CNTN3: variants seen among roughly 807,000 people sequenced by gnomAD.
CNTN3 encodes the protein contactin 3.
CNTN3 carries 60 observed loss-of-function variants against 119.1 expected under a neutral mutation model. The ratio of observed to expected loss-of-function variants is 0.50; its 90% CI spans 0.41 to 0.62. CNTN3 has a LOEUF of 0.62. Among genes scored for constraint, CNTN3 ranks in the 20% least tolerant of loss-of-function variants. The pLI, the probability that CNTN3 is intolerant of heterozygous loss-of-function variation, is 0.00. For missense variants in CNTN3, 1,101 were observed against 1,242.4 expected (o/e 0.89, Z 1.71); for synonymous variants, 450 against 438.7 (o/e 1.03, Z -0.32).
At chr3:74,328,734 T>C (rs1479327047) in intron 13 of CNTN3, among the ~76,000 whole-genome samples, 1 of 152,144 alleles carries the variant, frequency 6.6e-6, no homozygotes, top group Non-Finnish European at 1.5e-5. Flanking sequence ...ATCAACAGTT[T>C]TGTGTATTAC....
intron 1 of CNTN3, among the ~76,000 whole-genome samples, chr3:74,599,709 C>A (rs183604787): frequency 1.3e-5 from 2 of 152,188 alleles, no homozygotes; most frequent in Admixed American, 1.3e-4. Flanking sequence ...TGGGAAATGA[C>A]TAACTGAATG....
At chr3:74,368,735 G>T (rs1704261341) in intron 8 of CNTN3, among the ~76,000 whole-genome samples, 1 of 150,806 alleles carries the variant, frequency 6.6e-6, no homozygotes, top group African/African-American at 2.4e-5. Flanking sequence ...TAACACTGAA[G>T]AACTCAACAA....
At chr3:74,418,522 A>T (rs560362289) in intron 5 of CNTN3, among the ~76,000 whole-genome samples, 1 of 151,016 alleles carries the variant, frequency 6.6e-6, no homozygotes, top group African/African-American at 2.4e-5. Flanking sequence ...TTGTATTTTT[A>T]GTGAGACGGG....
chr3:74,491,554 G>A (rs1702964810), intron 3 of CNTN3, among the ~76,000 whole-genome samples: 1 of 151,970 alleles, frequency 6.6e-6, no homozygotes, highest in Admixed American at 6.6e-5. Context: ...GGATACGCAG[G>A]TTCAGCTCCT....
Position 74,614,543 on chromosome 3 carries a change from C to G in CNTN3, c.-233G>C, listed in dbSNP as rs1705141569. 6.8e-6 allele frequency among the ~76,000 whole-genome samples: 1 copy of G among 147,874 alleles called. No individual in the cohort carries two copies. The highest frequency in any genetic ancestry group is 1.5e-5 in the Non-Finnish European group (1 of 66,524). On this transcript the variant is annotated 5_prime_UTR_variant, in exon 1 of 23. Coordinates refer to ENST00000263665, the MANE Select transcript of CNTN3 (RefSeq NM_020872.3). ...TAAGCCGCCGCCGCCGCAGGCGCAG[C>G]ACCCTCGTCCGCACGGTTCCCGGCC... is the stretch of plus-strand genomic sequence containing the variant.
At chr3:74,394,127 T>A (rs553991208) in intron 5 of CNTN3, among the ~76,000 whole-genome samples, 4 of 152,288 alleles carry the variant, frequency 2.6e-5, no homozygotes, top group Non-Finnish European at 5.9e-5. Flanking sequence ...CTCAAATTAA[T>A]CTAGAAATGA....
chr3:74,398,640 A>T (rs563720510), intron 5 of CNTN3, among the ~76,000 whole-genome samples: 1 of 152,300 alleles, frequency 6.6e-6, no homozygotes, highest in Admixed American at 6.5e-5. Flanking sequence ...TCTAAATTTT[A>T]AAAATTCATT....
chr3:74,440,455 G>A (rs145760707), intron 4 of CNTN3, among the ~76,000 whole-genome samples: 49 of 146,936 alleles, frequency 3.3e-4, no homozygotes, highest in Middle Eastern at 3.5e-3. Context: ...CTCTTGAATC[G>A]CCAACTTAAA....
At chr3:74,401,989 T>G (rs543492822) in intron 5 of CNTN3, among the ~76,000 whole-genome samples, 2 of 152,316 alleles carry the variant, frequency 1.3e-5, no homozygotes, top group Admixed American at 1.3e-4. Context: ...CAAGGTCTTC[T>G]TTGTTTCTTA....
At chr3:74,507,144 T>C (rs1703276110) in intron 2 of CNTN3, among the ~76,000 whole-genome samples, 1 of 152,180 alleles carries the variant, frequency 6.6e-6, no homozygotes, top group Non-Finnish European at 1.5e-5. Context: ...CTAGGCCTGG[T>C]GTGCTGGCTC....
At chr3:74,520,583 A>G (rs1318226678) in intron 2 of CNTN3, among the ~76,000 whole-genome samples, 2 of 151,336 alleles carry the variant, frequency 1.3e-5, no homozygotes, top group African/African-American at 4.8e-5. Flanking sequence ...ACTTTATTCT[A>G]AATTTCAAAT....
At chr3:74,494,864 T>C (rs575364843) in intron 3 of CNTN3, among the ~76,000 whole-genome samples, 32 of 152,240 alleles carry the variant, frequency 2.1e-4, no homozygotes, top group Non-Finnish European at 4.3e-4. Flanking sequence ...GACTTCATTT[T>C]GATAAGCTTT....
rs113183170 is a variant in CNTN3, at chr3:74,491,052, C to A, written c.183-4421G>T. Among the ~76,000 whole-genome samples the A allele has an allele frequency of 4.3e-3, 649 of 152,234 alleles. 3 individuals are homozygous for A. Among genetic ancestry groups the A allele is most frequent in the African/African-American group, 0.015 (607 of 41,530 alleles). Reference sequence around the variant, plus strand: ...CTCAAAAGGGGTGTCTTTGTTTAAACTCTGAAATGTGCAAGTAATCTCTGG... The same window carrying A: ...CTCAAAAGGGGTGTCTTTGTTTAAAATCTGAAATGTGCAAGTAATCTCTGG... On this transcript the variant is annotated intron_variant, in intron 3 of 22. Transcript: ENST00000263665.
At chr3:74,542,818 T>C (rs1703860398) in intron 1 of CNTN3, among the ~76,000 whole-genome samples, 1 of 572 alleles carries the variant, frequency 1.7e-3, no homozygotes, top group Non-Finnish European at 3.9e-3. Context: ...ATTTTCTTTA[T>C]AATGTAAAAA....
At chr3:74,280,468 A>G (rs1394894050) in intron 20 of CNTN3, among the ~76,000 whole-genome samples, 1 of 152,234 alleles carries the variant, frequency 6.6e-6, no homozygotes, top group Non-Finnish European at 1.5e-5. Context: ...TGTTTGCCCA[A>G]GATGAATCAA....
intron 5 of CNTN3, among the ~76,000 whole-genome samples, chr3:74,391,366 T>C (rs751567571): frequency 2.0e-5 from 3 of 152,182 alleles, no homozygotes; most frequent in Non-Finnish European, 4.4e-5. Context: ...CCAGCTCTAC[T>C]GCTTACCAAT....
intron 11 of CNTN3, 87 bp downstream of exon 11, chr3:74,361,803 G>C (rs902328787): frequency 3.7e-6 from 5 of 1,339,782 alleles, no homozygotes; most frequent in Middle Eastern, 2.0e-4. Context: ...ATGCTATTTT[G>C]TTTCATTTCA....
chr3:74,595,059 A>AT (rs1366738039), intron 1 of CNTN3, among the ~76,000 whole-genome samples: 2 of 151,822 alleles, frequency 1.3e-5, no homozygotes, highest in Admixed American at 1.3e-4. Context: ...GATGATGAGC[A>AT]TTTTTTCATG....
chr3:74,290,518 G>C (rs1702206512), intron 19 of CNTN3, among the ~76,000 whole-genome samples: 1 of 152,088 alleles, frequency 6.6e-6, no homozygotes, highest in Admixed American at 6.6e-5. Flanking sequence ...GTTCGGTTTG[G>C]AATCCCACAA....
Sources: gnomAD v4.1 joint callset for allele counts (sites outside exome capture counted in the v4.1 genomes callset) on GRCh38, gnomAD v4.1.1 for gene constraint, MANE v1.5 for transcripts, NCBI Gene and HGNC (gene_info 2026-07-23, HGNC 2026-07-21) for gene names.